CEP350: variants seen among roughly 807,000 people sequenced by gnomAD.
CEP350 encodes the protein centrosomal protein 350.
Under a neutral mutation model 331.8 loss-of-function variants are expected in CEP350, and 126 were observed. The observed-to-expected ratio is 0.38, with a 90% CI of 0.33 to 0.44. The LOEUF is 0.44. Among genes scored for constraint, CEP350 ranks in the 20% least tolerant of loss-of-function variants. CEP350 has a pLI of 1.00. For synonymous variants in CEP350, 1,200 were observed against 1,259.5 expected (o/e 0.95, Z 1.00); for missense variants, 3,406 against 3,634.6 (o/e 0.94, Z 1.62).
chr1:180,020,567 C>T lies in CEP350; in HGVS notation c.2793C>T (p.Ala931=), dbSNP rs781190937. ...KLPEMIRPQS[A]ISSFRVRSPG... ...CTGAGATGATAAGACCACAGAGTGC[C>T]ATATCAAGCTTTAGAGTGAGATCCC... Residue 931 remains alanine (A), a synonymous_variant, in exon 12 of 38, where the codon GCC becomes GCT. Coordinates refer to ENST00000367607, the MANE Select transcript of CEP350 (RefSeq NM_014810.5). The T allele has an allele frequency of 8.7e-6, 14 of 1,613,846 alleles. No homozygotes were observed. In the Admixed American group the frequency reaches 1.3e-4, roughly 15 times the overall value.
intron 1 of CEP350, among the ~76,000 whole-genome samples, chr1:179,972,870 C>CTT (rs770988896): frequency 3.6e-5 from 5 of 136,992 alleles, no homozygotes; most frequent in Admixed American, 7.3e-5. Flanking sequence ...GTGTATTTAA[C>CTT]TTTTTTTTTT....
intron 1 of CEP350, among the ~76,000 whole-genome samples, chr1:179,977,220 G>A (rs891700919): frequency 2.0e-5 from 3 of 152,206 alleles, no homozygotes; most frequent in African/African-American, 7.2e-5. Context: ...ATTCCCTAGA[G>A]AAAAGGACTA....
At chr1:180,000,991 T>C (rs185769912) in intron 6 of CEP350, among the ~76,000 whole-genome samples, 7 of 152,336 alleles carry the variant, frequency 4.6e-5, no homozygotes, top group African/African-American at 1.2e-4. Flanking sequence ...GCCTAATAAC[T>C]GAATAGATTA....
At chr1:179,979,536 G>T (rs1444022672) in intron 1 of CEP350, among the ~76,000 whole-genome samples, 1 of 151,836 alleles carries the variant, frequency 6.6e-6, no homozygotes, top group Non-Finnish European at 1.5e-5. Context: ...CTGTGCAGAA[G>T]CTTTTTAGGT....
rs1318736079 is a variant in CEP350, at chr1:180,098,945, A to T, written c.9149A>T (p.Lys3050Ile). Residue 3050 changes from lysine (K) to isoleucine (I), a missense_variant, in exon 37 of 38, where the codon AAA becomes ATA. Coordinates refer to ENST00000367607, the MANE Select transcript of CEP350 (RefSeq NM_014810.5). ...AAAACAGATTGGCAGAAAATGATGA[A>T]ATTTGGAAGAAAGAAAAGAGACCGA... Reference protein sequence around the residue: ...NHKTDWQKMMKFGRKKRDRVD... With the variant: ...NHKTDWQKMMIFGRKKRDRVD... 6.2e-7 allele frequency: 1 copy of T among 1,613,710 alleles called. No individual in the cohort carries two copies. Among genetic ancestry groups the T allele is most frequent in the South Asian group, 1.1e-5 (1 of 91,078 alleles).
intron 27 of CEP350, chr1:180,073,963 T>G: frequency 7.8e-7 from 1 of 1,283,154 alleles, no homozygotes; most frequent in Non-Finnish European, 1.0e-6. Context: ...CTGTTCTTTT[T>G]GTTTGTTTTG....
intron 1 of CEP350, among the ~76,000 whole-genome samples, chr1:179,983,190 A>T (rs968503127): frequency 6.6e-6 from 1 of 152,146 alleles, no homozygotes; most frequent in Non-Finnish European, 1.5e-5. Flanking sequence ...AAACTTGTTT[A>T]CTTTTCTTAG....
At chr1:180,089,617 A>G (rs1338415057) in intron 32 of CEP350, among the ~76,000 whole-genome samples, 2 of 152,112 alleles carry the variant, frequency 1.3e-5, no homozygotes, top group African/African-American at 4.8e-5. Context: ...TGATAAGTTA[A>G]AGTGCTAGAT....
chr1:180,094,620 A>G lies in CEP350; in HGVS notation c.8511+4A>G, dbSNP rs1465052052. 6.2e-7 allele frequency: 1 copy of G among 1,607,110 alleles called. No homozygotes were observed. The highest frequency in any genetic ancestry group is 1.3e-5 in the African/African-American group (1 of 74,452). ...TCCAGATATGTGTCCCAGACCGGTG[A>G]GTATTTCGTCTAGAAAAAGTATCAG... On this transcript the variant is annotated splice_donor_region_variant and intron_variant, in intron 34 of 37. Coordinates refer to ENST00000367607, the MANE Select transcript of CEP350 (RefSeq NM_014810.5).
chr1:180,014,493 G>A lies in CEP350; in HGVS notation c.2040G>A (p.Thr680=), dbSNP rs778788295. The change falls in exon 10 of 38, where the codon ACG becomes ACA. Residue 680 remains threonine (T), a synonymous_variant. Coordinates refer to ENST00000367607, the MANE Select transcript of CEP350 (RefSeq NM_014810.5). The part of the protein sequence containing the change: ...LLEEPSHQHV[T]QETQAKPGYQ... ...AAGAGCCATCTCATCAACATGTTAC[G>A]CAGGAAACACAGGTAATAGTAGTGA... The A allele has an allele frequency of 3.1e-5, 49 of 1,603,200 alleles. No individual in the cohort carries two copies. The Admixed American group carries it at 4.3e-4, about 14-fold the overall frequency.
At chr1:180,086,409 A>C (rs955467948) in intron 31 of CEP350, among the ~76,000 whole-genome samples, 3 of 152,126 alleles carry the variant, frequency 2.0e-5, no homozygotes, top group Admixed American at 2.0e-4. Flanking sequence ...CTTAATAGCT[A>C]TGTCAGTCAG....
At chr1:180,048,167 T>A (rs1657253884) in intron 21 of CEP350, among the ~76,000 whole-genome samples, 1 of 152,060 alleles carries the variant, frequency 6.6e-6, no homozygotes, top group South Asian at 2.1e-4. Context: ...AGTAGAGCAG[T>A]TGGGGTGGAA....
At chr1:180,096,361 G>A (rs760922816) in intron 36 of CEP350, among the ~76,000 whole-genome samples, 177 bp downstream of exon 36, 3 of 151,172 alleles carry the variant, frequency 2.0e-5, no homozygotes, top group Non-Finnish European at 2.9e-5. Context: ...GAACAGTGGA[G>A]GGATTGGAAT....
chr1:180,020,436 G>A lies in CEP350; in HGVS notation c.2662G>A (p.Val888Ile). Residue 888 changes from valine to isoleucine, a missense_variant, in exon 12 of 38, where the codon GTT becomes ATT. Physicochemically the swap from Val to Ile is conservative, Grantham distance 29. Coordinates refer to ENST00000367607, the MANE Select transcript of CEP350 (RefSeq NM_014810.5). ...ACCTGTGAAAGATGATAATGAAGAT[G>A]TTTTCTCTGCCAGAATTCAGAAGAT... ...TPPVKDDNED[V>I]FSARIQKMLG... 1.9e-6 allele frequency: 3 copies of A among 1,613,920 alleles called. No individual in the cohort carries two copies. Among genetic ancestry groups the A allele is most frequent in the Non-Finnish European group, 2.5e-6 (3 of 1,179,888 alleles).
chr1:179,972,214 C>G (rs940619571), intron 1 of CEP350, among the ~76,000 whole-genome samples: 1 of 151,982 alleles, frequency 6.6e-6, no homozygotes, highest in Non-Finnish European at 1.5e-5. Flanking sequence ...TAGTCATTGG[C>G]ATGTAGGTGG....
chr1:180,103,100 G>A (rs1660921321), intron 37 of CEP350, among the ~76,000 whole-genome samples: 1 of 152,186 alleles, frequency 6.6e-6, no homozygotes, highest in Non-Finnish European at 1.5e-5. Context: ...ATTTACATAG[G>A]GCCCACAGAT....
Position 180,075,102 on chromosome 1 carries a change from A to T in CEP350, c.5648A>T (p.Asp1883Val). The T allele has an allele frequency of 6.2e-7, 1 of 1,613,662 alleles. No individual in the cohort carries two copies. Among genetic ancestry groups the T allele is most frequent in the Non-Finnish European group, 8.5e-7 (1 of 1,179,750 alleles). Residue 1883 changes from aspartate to valine, a missense_variant, in exon 28 of 38, where the codon GAT (aspartate) becomes GTT (valine). By Grantham distance (152) the Asp-to-Val change is radical. Coordinates refer to ENST00000367607, the MANE Select transcript of CEP350 (RefSeq NM_014810.5). ...EELLEWKRRL[D>V]AEEAEIRQME... ...CTCCTAGAGTGGAAGCGACGTTTAGATGCAGAAGAAGCAGAAATTCGTCAA... is the reference window on the plus strand; with the variant it reads ...CTCCTAGAGTGGAAGCGACGTTTAGTTGCAGAAGAAGCAGAAATTCGTCAA...
chr1:180,018,117 C>T (rs892225507), intron 11 of CEP350, among the ~76,000 whole-genome samples: 1 of 152,100 alleles, frequency 6.6e-6, no homozygotes, highest in Non-Finnish European at 1.5e-5. Context: ...GTGATCCTCC[C>T]ACCTCAGCCT....
chr1:180,103,670 G>C (rs1225276866), intron 37 of CEP350, among the ~76,000 whole-genome samples: 2 of 151,890 alleles, frequency 1.3e-5, no homozygotes, highest in Admixed American at 1.3e-4. Flanking sequence ...TGAATCTATA[G>C]ATTCATATCT....
Sources: allele counts gnomAD v4.1 joint callset (sites outside exome capture counted in the v4.1 genomes callset), GRCh38; gene constraint gnomAD v4.1.1; transcripts MANE v1.5; gene names NCBI Gene and HGNC (gene_info 2026-07-23, HGNC 2026-07-21).